The following SRRM4 variants were observed in gnomAD, a reference collection of about 807,000 sequenced individuals.
The protein encoded by SRRM4 is serine/arginine repetitive matrix 4, also known as serine/arginine repetitive matrix protein 4.
A neutral mutation model predicts 68.9 loss-of-function variants in SRRM4; 33 were observed. That is an observed-to-expected ratio of 0.48 (90% CI 0.36 to 0.64). The LOEUF is 0.64. Ranked by LOEUF, SRRM4 falls within the 30% of genes least tolerant of loss-of-function variation. SRRM4 has a pLI of 0.00. For missense variants in SRRM4, 817 were observed against 827.1 expected, an observed-to-expected ratio of 0.99 and a Z score of 0.15; for synonymous variants, 318 against 318.8, an observed-to-expected ratio of 1.00 and a Z score of 0.03.
intron 1 of SRRM4, among the ~76,000 whole-genome samples, chr12:119,050,523 A>G (rs1017599711): frequency 2.0e-5 from 3 of 152,348 alleles, no homozygotes; most frequent in African/African-American, 4.8e-5. Flanking sequence ...TTGCAGTTCA[A>G]TGGGGTGCAT....
At chr12:119,107,235 G>A (rs1341898688) in intron 2 of SRRM4, among the ~76,000 whole-genome samples, 1 of 152,180 alleles carries the variant, frequency 6.6e-6, no homozygotes, top group Non-Finnish European at 1.5e-5. Context: ...TTTTATTGAG[G>A]ATTTTCGCAT....
chr12:118,989,497 CTG>C (rs1468683574), intron 1 of SRRM4, among the ~76,000 whole-genome samples: 1 of 152,088 alleles, frequency 6.6e-6, no homozygotes, highest in Non-Finnish European at 1.5e-5. Flanking sequence ...TCTGCTCTTT[CTG>C]TCTCTCTCCC....
intron 1 of SRRM4, among the ~76,000 whole-genome samples, chr12:119,018,095 T>C (rs1486218057): frequency 6.6e-6 from 1 of 152,244 alleles, no homozygotes; most frequent in Non-Finnish European, 1.5e-5. Flanking sequence ...CCATGTGCTA[T>C]GAGCCAGTAC....
At chr12:119,095,985 G>GT (rs1436085556) in intron 1 of SRRM4, among the ~76,000 whole-genome samples, 1 of 144,144 alleles carries the variant, frequency 6.9e-6, no homozygotes, top group African/African-American at 2.5e-5. Context: ...AAAAGAAAAT[G>GT]TTTTCCAGAG....
intron 1 of SRRM4, among the ~76,000 whole-genome samples, chr12:118,987,679 G>A (rs1953290804): frequency 1.3e-5 from 2 of 152,198 alleles, no homozygotes. Context: ...GACTGGATGA[G>A]CTAATTTATG....
chr12:119,002,190 C>G (rs1189524139), intron 1 of SRRM4, among the ~76,000 whole-genome samples: 2 of 151,698 alleles, frequency 1.3e-5, no homozygotes, highest in East Asian at 3.9e-4. Context: ...GCCATTAGTC[C>G]TCATTAGATG....
At chr12:119,142,494 A>G (rs1342595640) in intron 8 of SRRM4, among the ~76,000 whole-genome samples, 1 of 152,214 alleles carries the variant, frequency 6.6e-6, no homozygotes. Flanking sequence ...GGGGCCTCAC[A>G]TTCAAGAAAT....
At chr12:118,992,241 G>T (rs140653149) in intron 1 of SRRM4, 1 of 152,150 alleles carries the variant, frequency 6.6e-6, no homozygotes, top group Non-Finnish European at 1.5e-5. Flanking sequence ...TTTGCCCAAC[G>T]TCAGGGCTCT....
At chr12:119,129,615 C>T (rs550378958) in intron 7 of SRRM4, among the ~76,000 whole-genome samples, 1 of 152,338 alleles carries the variant, frequency 6.6e-6, no homozygotes, top group African/African-American at 2.4e-5. Flanking sequence ...GAGAGGTACA[C>T]AAGTGACATT....
intron 1 of SRRM4, among the ~76,000 whole-genome samples, chr12:119,083,464 C>T (rs1253349474): frequency 6.6e-6 from 1 of 151,950 alleles, no homozygotes; most frequent in Non-Finnish European, 1.5e-5. Context: ...ATCCCAGCTC[C>T]CTGGTGCTTA....
chr12:119,091,664 G>A (rs1268364536), intron 1 of SRRM4, among the ~76,000 whole-genome samples: 1 of 152,194 alleles, frequency 6.6e-6, no homozygotes, highest in Non-Finnish European at 1.5e-5. Flanking sequence ...TCACCAGGGA[G>A]GTGAAAGGAC....
intron 8 of SRRM4, among the ~76,000 whole-genome samples, chr12:119,144,732 C>T (rs1954390224): frequency 6.6e-6 from 1 of 151,786 alleles, no homozygotes; most frequent in Non-Finnish European, 1.5e-5. Context: ...TTTCTTTTCC[C>T]CTTTAGTTGA....
intron 1 of SRRM4, among the ~76,000 whole-genome samples, chr12:119,097,539 G>A (rs1378903650): frequency 1.3e-5 from 2 of 152,126 alleles, no homozygotes; most frequent in Non-Finnish European, 2.9e-5. Context: ...TATTTCTGTT[G>A]GTTTTATTGC....
chr12:119,145,749 C>T (rs939757432), intron 9 of SRRM4, 64 bp downstream of exon 9: 5 of 1,329,778 alleles, frequency 3.8e-6, no homozygotes, highest in African/African-American at 1.5e-5. Context: ...TTCTCATGCT[C>T]TCATCCCAGC....
At chr12:119,044,404 G>A (rs1401372856) in intron 1 of SRRM4, among the ~76,000 whole-genome samples, 2 of 152,256 alleles carry the variant, frequency 1.3e-5, no homozygotes, top group East Asian at 3.9e-4. Context: ...AGCTGCACAG[G>A]CCCAGAGTTT....
intron 1 of SRRM4, among the ~76,000 whole-genome samples, chr12:118,994,404 G>C (rs548821872): frequency 1.3e-5 from 2 of 152,258 alleles, no homozygotes; most frequent in African/African-American, 4.8e-5. Flanking sequence ...CCACCACAGA[G>C]ACTCCCGGCT....
intron 1 of SRRM4, among the ~76,000 whole-genome samples, chr12:119,049,466 A>T (rs77794292): frequency 0.014 from 2,206 of 152,314 alleles, 48 homozygotes; most frequent in African/African-American, 0.049. Flanking sequence ...GCTTTATAAT[A>T]TGAGTGAGAT....
At position 119,157,841 on chromosome 12, in the gene SRRM4, A is replaced by G; in HGVS notation, c.*1043A>G. 1 of 136,490 alleles carries G rather than the reference A, an allele frequency of 7.3e-6. No homozygotes were observed. Among genetic ancestry groups the G allele is most frequent in the East Asian group, 2.5e-4 (1 of 3,942 alleles). 8.5% of individuals were successfully genotyped at this position (136,490 alleles called of 1,614,324 possible). A position where few individuals can be genotyped will look rare whatever the true frequency, so the allele number is the denominator to read the frequency against. ...TGGATGCCACCCAGTGCAGCCTGGC[A>G]CCTACCCACCCACCCTTCAGCTTAA... On this transcript the variant is annotated 3_prime_UTR_variant, in exon 13 of 13. Coordinates refer to ENST00000267260, the MANE Select transcript of SRRM4 (RefSeq NM_194286.4). This position sits in a 1 kb window ranked among gnomAD's most constrained non-coding sequence, Gnocchi z 4.1.
At chr12:119,006,439 T>A (rs1039883026) in intron 1 of SRRM4, among the ~76,000 whole-genome samples, 7 of 152,068 alleles carry the variant, frequency 4.6e-5, no homozygotes, top group African/African-American at 1.7e-4. Flanking sequence ...GACCAGGAGA[T>A]GAGGTAGAGT....
Sources: gnomAD v4.1 joint callset for allele counts (sites outside exome capture counted in the v4.1 genomes callset) on GRCh38, gnomAD v4.1.1 for gene constraint, Gnocchi (gnomAD v3.1) non-coding constraint, MANE v1.5 for transcripts, NCBI Gene and HGNC (gene_info 2026-07-23, HGNC 2026-07-21) for gene names.